Variants in CCDC88A observed in about 807,000 individuals in gnomAD.
CCDC88A encodes girdin.
Under a neutral mutation model 234.3 loss-of-function variants are expected in CCDC88A, and 54 were observed. That is an observed-to-expected ratio of 0.23 (90% CI 0.19 to 0.29). CCDC88A has a LOEUF of 0.29. Ranked by LOEUF, CCDC88A falls within the 10% of genes least tolerant of loss-of-function variation. CCDC88A has a pLI of 1.00. For missense variants in CCDC88A, 1,832 were observed against 2,123.4 expected (o/e 0.86, Z 2.70); for synonymous variants, 753 against 737.8 (o/e 1.02, Z -0.33).
At position 55,384,566 on chromosome 2, in the gene CCDC88A, TATACGTATATATGTGTATATATACAC is replaced by T. The variant is rs1329384562; in HGVS notation, c.273+4186_273+4211del. ...GTATATATGTGTATATATACACATATATACGTATATATGTGTATATATACACATATATACGTATATATGTGTATATA... is the reference window on the plus strand; with the variant it reads ...GTATATATGTGTATATATACACATATATATATACGTATATATGTGTATATA... On this transcript the variant is annotated intron_variant, in intron 3 of 32. Coordinates refer to ENST00000436346, the MANE Select transcript of CCDC88A (RefSeq NM_001365480.1). Among the ~76,000 whole-genome samples the T allele has an allele frequency of 4.5e-3, 570 of 125,810 alleles. 149 individuals carry two copies. The highest frequency in any genetic ancestry group is 5.3e-3 in the Non-Finnish European group (324 of 61,022). 82.5% of individuals were successfully genotyped at this position (125,810 alleles called of 152,430 possible).
At chr2:55,393,164 GT>G (rs201592023) in intron 2 of CCDC88A, among the ~76,000 whole-genome samples, 6 of 146,836 alleles carry the variant, frequency 4.1e-5, no homozygotes, top group East Asian at 2.0e-4. Context: ...ACATATTTAA[GT>G]TTTTTTTTCT....
chr2:55,390,461 C>A (rs548568756), intron 2 of CCDC88A, among the ~76,000 whole-genome samples: 77 of 152,268 alleles, frequency 5.1e-4, no homozygotes, highest in Admixed American at 1.6e-3. Flanking sequence ...TCAATTCAAC[C>A]ACTTACGCTG....
intron 2 of CCDC88A, among the ~76,000 whole-genome samples, chr2:55,396,344 A>C (rs1363536378): frequency 6.6e-6 from 1 of 151,924 alleles, no homozygotes; most frequent in African/African-American, 2.4e-5. Flanking sequence ...TTTTATTTCT[A>C]TTTTCTTTAT....
chr2:55,349,447 T>C (rs1248866312), intron 9 of CCDC88A, 71 bp downstream of exon 9: 6 of 1,122,128 alleles, frequency 5.3e-6, no homozygotes, highest in Admixed American at 1.9e-5. Context: ...GTAAAGGTTA[T>C]AAATTACAAG....
chr2:55,308,597 C>T (rs1273600901), intron 25 of CCDC88A: 3 of 478,240 alleles, frequency 6.3e-6, no homozygotes, highest in African/African-American at 5.9e-5. Context: ...CAATATTTTA[C>T]CCCTCTGGCC....
At chr2:55,295,472 G>A (rs1213715291) in intron 31 of CCDC88A, 125 bp downstream of exon 31, 1 of 1,578,894 alleles carries the variant, frequency 6.3e-7, no homozygotes, top group Non-Finnish European at 8.6e-7. Flanking sequence ...CTGTTCTTGA[G>A]TTTCTAGCCT....
At chr2:55,305,136 G>C (rs972095379) in intron 25 of CCDC88A, among the ~76,000 whole-genome samples, 4 of 152,190 alleles carry the variant, frequency 2.6e-5, no homozygotes, top group Non-Finnish European at 4.4e-5. Context: ...AAACAAAGCT[G>C]AGTGGTTGCA....
At chr2:55,374,590 A>G (rs186715447) in intron 4 of CCDC88A, among the ~76,000 whole-genome samples, 1 of 152,320 alleles carries the variant, frequency 6.6e-6, no homozygotes, top group African/African-American at 2.4e-5. Flanking sequence ...TGTTTGGTAT[A>G]GTAGAAAAAA....
At chr2:55,343,054 A>G (rs1240410588) in intron 12 of CCDC88A, among the ~76,000 whole-genome samples, 9 of 152,176 alleles carry the variant, frequency 5.9e-5, no homozygotes, top group Non-Finnish European at 1.2e-4. Flanking sequence ...GCTTTAAGAA[A>G]GAGGACAAGT....
In CCDC88A at chr2:55,304,985, T is replaced by C. The variant is rs538574157; in HGVS notation, c.4388-1833A>G. On this transcript the variant is annotated intron_variant, in intron 25 of 32. Transcript: ENST00000436346. ...GCAATGGACATATAGCTCTTTAACT[T>C]GTTTGATTGCTATTAGGAGCAGTCA... Among the ~76,000 whole-genome samples the C allele has an allele frequency of 3.3e-5, 5 of 152,360 alleles. No homozygotes were observed. In the East Asian group the frequency reaches 9.6e-4, roughly 29 times the overall value.
intron 25 of CCDC88A, among the ~76,000 whole-genome samples, chr2:55,307,652 C>A (rs1340906617): frequency 6.6e-6 from 1 of 151,946 alleles, no homozygotes; most frequent in African/African-American, 2.4e-5. Flanking sequence ...CCGTTCCCGG[C>A]CTAATTTTTT....
intron 6 of CCDC88A, among the ~76,000 whole-genome samples, chr2:55,363,196 T>C (rs1254489708): frequency 6.6e-6 from 1 of 151,938 alleles, no homozygotes; most frequent in Non-Finnish European, 1.5e-5. Context: ...TTGATAATAA[T>C]GTTACTGATA....
intron 25 of CCDC88A, among the ~76,000 whole-genome samples, chr2:55,305,138 G>A (rs919322884): frequency 1.6e-4 from 25 of 152,178 alleles, no homozygotes; most frequent in African/African-American, 6.0e-4. Context: ...ACAAAGCTGA[G>A]TGGTTGCAGC....
intron 12 of CCDC88A, among the ~76,000 whole-genome samples, chr2:55,342,020 T>C (rs1275568813): frequency 6.6e-6 from 1 of 152,196 alleles, no homozygotes; most frequent in Non-Finnish European, 1.5e-5. Context: ...TGAACCAGTT[T>C]ACATTCCCAC....
intron 5 of CCDC88A, among the ~76,000 whole-genome samples, chr2:55,370,147 T>C (rs979744740): frequency 3.3e-5 from 5 of 152,308 alleles, no homozygotes; most frequent in Non-Finnish European, 7.4e-5. Flanking sequence ...CTGCTATGAC[T>C]ACATGGACAT....
rs1013046928 is a variant in CCDC88A at position 55,302,025 on chromosome 2, C to G, written c.4519G>C (p.Gly1507Arg). ...GGAACCTCCAAATTCTCAGTACTAC[C>G]TGTCCACTGTCCTGCTAGGACCATG... is the stretch of plus-strand genomic sequence containing the variant. ...QSMVLAGQWT[G>R]STENLEVPDD... Residue 1507 changes from glycine (G) to arginine (R), a missense_variant, in exon 27 of 33, where the codon GGT (glycine) becomes CGT (arginine). This residue lies in a region of CCDC88A where 1,282 missense variants were observed against 1,543.6 expected (regional missense o/e 0.83). Coordinates refer to ENST00000436346, the MANE Select transcript of CCDC88A (RefSeq NM_001365480.1). 6.2e-7 allele frequency: 1 copy of G among 1,614,062 alleles called. No homozygotes were observed.
At position 55,332,830 on chromosome 2, in the gene CCDC88A, A is replaced by G; in HGVS notation, c.2728-137T>C. 4.0e-6 allele frequency: 3 copies of G among 749,504 alleles called. No individual in the cohort carries two copies. Among genetic ancestry groups the G allele is most frequent in the Non-Finnish European group, 6.3e-6 (3 of 476,422 alleles). 46.4% of individuals were successfully genotyped at this position (749,504 alleles called of 1,614,324 possible). ...GGAAATGTCATTAAACCATTCCTTC[A>G]TTATTAAAATGTAGTTAAAGTTATA... On this transcript the variant is annotated intron_variant, in intron 15 of 32. Coordinates refer to ENST00000436346, the MANE Select transcript of CCDC88A (RefSeq NM_001365480.1). The surrounding 1 kb of genome is among the most constrained non-coding windows in gnomAD (Gnocchi z 4.5).
In CCDC88A at chr2:55,289,975, ACT is replaced by A. The variant is rs1156966648; in HGVS notation, c.*1223_*1224del. ...TTTCTCATTTCAGACCTTGAAGATT[ACT>A]CTGATATTGATGTTAAATAATGAAT... On this transcript the variant is annotated 3_prime_UTR_variant, in exon 33 of 33. Coordinates refer to ENST00000436346, the MANE Select transcript of CCDC88A (RefSeq NM_001365480.1). The A allele has an allele frequency of 6.6e-6, 1 of 152,578 alleles. No individual in the cohort carries two copies. Among genetic ancestry groups the A allele is most frequent in the African/African-American group, 2.4e-5 (1 of 41,462 alleles). 9.5% of individuals were successfully genotyped at this position (152,578 alleles called of 1,614,324 possible).
chr2:55,413,994 A>G (rs1680941775), intron 2 of CCDC88A, among the ~76,000 whole-genome samples: 2 of 151,950 alleles, frequency 1.3e-5, no homozygotes, highest in Non-Finnish European at 2.9e-5. Context: ...GCAAACAAAC[A>G]AACAAAAAAG....
Sources: gnomAD v4.1 joint callset for allele counts (sites outside exome capture counted in the v4.1 genomes callset) on GRCh38, gnomAD v4.1.1 for gene constraint, gnomAD v4.1.1 regional missense constraint, Gnocchi (gnomAD v3.1) non-coding constraint, MANE v1.5 for transcripts, NCBI Gene and HGNC (gene_info 2026-07-23, HGNC 2026-07-21) for gene names.